Variants in PCM1 observed in about 807,000 individuals in gnomAD.
The protein encoded by PCM1 is pericentriolar material 1.
A neutral mutation model predicts 241.9 loss-of-function variants in PCM1; 157 were observed. That is an observed-to-expected ratio of 0.65 (90% CI 0.57 to 0.74). The LOEUF (loss-of-function observed/expected upper bound fraction) is 0.74, where lower values mean the gene tolerates loss of function less well. Among genes scored for constraint, PCM1 ranks in the 30% least tolerant of loss-of-function variants. The pLI is 0.00. For synonymous variants in PCM1, 1,085 were observed against 784.9 expected (o/e 1.38, Z -6.39); for missense variants, 3,478 against 2,360.1 (o/e 1.47, Z -9.81).
At chr8:17,955,827 T>A (rs2068113682) in intron 10 of PCM1, 174 bp downstream of exon 10, 1 of 613,116 alleles carries the variant, frequency 1.6e-6, no homozygotes, top group African/African-American at 1.9e-5. Context: ...TTGAGTTGTC[T>A]AAGAGATGTG....
intron 1 of PCM1, among the ~76,000 whole-genome samples, chr8:17,923,925 A>G (rs1335552813): frequency 6.6e-6 from 1 of 152,014 alleles, no homozygotes. Context: ...AGGCCCCGCC[A>G]GGGAGGCTGG....
chr8:17,936,876 G>A (rs1196122809), intron 3 of PCM1, among the ~76,000 whole-genome samples: 1 of 152,114 alleles, frequency 6.6e-6, no homozygotes, highest in Non-Finnish European at 1.5e-5. Flanking sequence ...TTTAGGGTTG[G>A]CATTTGAGGA....
At chr8:17,943,228 T>G (rs2062751942) in intron 6 of PCM1, among the ~76,000 whole-genome samples, 1 of 150,716 alleles carries the variant, frequency 6.6e-6, no homozygotes, top group Non-Finnish European at 1.5e-5. Flanking sequence ...ATGGTAAAAC[T>G]TCACCTCTAG....
At chr8:17,960,998 A>G (rs1011198391) in intron 15 of PCM1, among the ~76,000 whole-genome samples, 2 of 152,164 alleles carry the variant, frequency 1.3e-5, no homozygotes, top group Non-Finnish European at 2.9e-5. Flanking sequence ...ATGTGTACTC[A>G]TAACTGTTTA....
At chr8:17,952,127 G>C (rs1289192238) in intron 8 of PCM1, among the ~76,000 whole-genome samples, 1 of 152,010 alleles carries the variant, frequency 6.6e-6, no homozygotes, top group East Asian at 1.9e-4. Flanking sequence ...AGAGGCTGAG[G>C]CAGGAGAATC....
intron 18 of PCM1, 60 bp downstream of exon 18, chr8:17,964,828 C>T (rs2074176079): frequency 7.9e-7 from 1 of 1,265,296 alleles, no homozygotes; most frequent in African/African-American, 1.5e-5. Flanking sequence ...TTTTGACTGA[C>T]AGCAAGCACT....
intron 8 of PCM1, among the ~76,000 whole-genome samples, chr8:17,952,418 G>A (rs2066417403): frequency 6.6e-6 from 1 of 152,064 alleles, no homozygotes; most frequent in Non-Finnish European, 1.5e-5. Flanking sequence ...AATTACTGAT[G>A]TCTAGTGAAT....
At chr8:17,981,411 C>G (rs1212276800) in intron 24 of PCM1, among the ~76,000 whole-genome samples, 1 of 152,082 alleles carries the variant, frequency 6.6e-6, no homozygotes, top group Non-Finnish European at 1.5e-5. Context: ...TTGTGTAAAC[C>G]TATTTTGTTG....
At chr8:17,973,553 T>A (rs2077575653) in intron 23 of PCM1, among the ~76,000 whole-genome samples, 1 of 151,978 alleles carries the variant, frequency 6.6e-6, no homozygotes, top group African/African-American at 2.4e-5. Context: ...ACCCCATCTC[T>A]ACTAAAAGTA....
intron 21 of PCM1, among the ~76,000 whole-genome samples, chr8:17,968,730 A>ATGTGTGTGTGTGTGTGTG (rs551909289): frequency 3.0e-4 from 41 of 134,712 alleles, no homozygotes; most frequent in African/African-American, 1.0e-3. Context: ...GGATGTATAT[A>ATGTGTGTGTGTGTGTGTG]TGTGTGTGTG....
At chr8:17,998,660 C>G (rs771889685) in intron 29 of PCM1, among the ~76,000 whole-genome samples, 1 of 152,160 alleles carries the variant, frequency 6.6e-6, no homozygotes, top group Admixed American at 6.5e-5. Flanking sequence ...CCCTCTGTAA[C>G]CACTACCTGA....
intron 24 of PCM1, among the ~76,000 whole-genome samples, chr8:17,982,826 C>A (rs1403430236): frequency 1.3e-5 from 2 of 152,234 alleles, no homozygotes; most frequent in South Asian, 2.1e-4. Context: ...TTAATCATTA[C>A]CCTAAAATTC....
chr8:17,968,758 G>GTATA (rs1554688505), intron 21 of PCM1, among the ~76,000 whole-genome samples: 4 of 131,054 alleles, frequency 3.1e-5, no homozygotes, highest in African/African-American at 1.2e-4. Flanking sequence ...GTGTGTGTGT[G>GTATA]TGTGTATATA....
Position 17,955,067 on chromosome 8 carries a change from C to G in PCM1, c.1289-403C>G, listed in dbSNP as rs186535032. ...TACAGATTGAGTACTGCACATGATT[C>G]ATAGTGGCCCTGTTTAACTTAACCT... On this transcript the variant is annotated intron_variant, in intron 9 of 38. Coordinates refer to ENST00000325083, the MANE Select transcript of PCM1 (RefSeq NM_006197.4). Among the ~76,000 whole-genome samples, 771 of 152,200 alleles carry G rather than the reference C, an allele frequency of 5.1e-3. 3 individuals are homozygous for G. Among genetic ancestry groups the G allele is most frequent in the Middle Eastern group, 0.014 (4 of 294 alleles).
Position 17,991,455 on chromosome 8 carries a change from T to G in PCM1, c.4532-87T>G, listed in dbSNP as rs539662436. 4.5e-5 allele frequency: 52 copies of G among 1,154,456 alleles called. No homozygotes were observed. In the African/African-American group the frequency reaches 5.1e-4, roughly 11 times the overall value. The allele number at this position is 1,154,456 out of a possible 1,614,324, so 71.5% of individuals were successfully genotyped here. A position where few individuals can be genotyped will look rare whatever the true frequency, so the allele number is the denominator to read the frequency against. Reference sequence around the variant, plus strand: ...AAAGCTAATTTTCCTCCCTTTTGTTTGGACATTTTTTTATTAATGCATTTT... The same window carrying G: ...AAAGCTAATTTTCCTCCCTTTTGTTGGGACATTTTTTTATTAATGCATTTT... On this transcript the variant is annotated intron_variant, in intron 27 of 38. Coordinates refer to ENST00000325083, the MANE Select transcript of PCM1 (RefSeq NM_006197.4).
intron 3 of PCM1, 147 bp downstream of exon 3, chr8:17,935,853 T>C (rs1375102152): frequency 2.1e-6 from 1 of 475,366 alleles, no homozygotes; most frequent in African/African-American, 2.0e-5. Context: ...ATTATATTAA[T>C]TGAAGACACA....
At chr8:17,944,202 A>G (rs1055119722) in intron 6 of PCM1, among the ~76,000 whole-genome samples, 7 of 152,136 alleles carry the variant, frequency 4.6e-5, no homozygotes, top group Non-Finnish European at 1.0e-4. Flanking sequence ...TAAACCAGCT[A>G]TGGTTCTTCA....
intron 21 of PCM1, 37 bp downstream of exon 21, chr8:17,967,207 CAA>C (rs2075194131): frequency 6.9e-7 from 1 of 1,458,770 alleles, no homozygotes; most frequent in African/African-American, 1.4e-5. Flanking sequence ...TAAATAAAAG[CAA>C]AGTGTTTGGA....
chr8:18,011,907 C>A, intron 34 of PCM1, 80 bp downstream of exon 34: 1 of 1,221,128 alleles, frequency 8.2e-7, no homozygotes, highest in Non-Finnish European at 1.2e-6. Flanking sequence ...TTTAACTAAT[C>A]AAAGTAGATC....
Sources: allele counts gnomAD v4.1 joint callset (sites outside exome capture counted in the v4.1 genomes callset), GRCh38; gene constraint gnomAD v4.1.1; transcripts MANE v1.5; gene names NCBI Gene and HGNC (gene_info 2026-07-23, HGNC 2026-07-21).